The following PCSK6 variants were observed in gnomAD, a reference collection of about 807,000 sequenced individuals.
PCSK6 encodes paired basic amino acid cleaving enzyme 4.
Under a neutral mutation model 123.3 loss-of-function variants are expected in PCSK6, and 85 were observed. That is an observed-to-expected ratio of 0.69 (90% CI 0.58 to 0.83). PCSK6 has a LOEUF of 0.83. Among genes scored for constraint, PCSK6 ranks in the 40% least tolerant of loss-of-function variants. PCSK6 has a pLI of 0.00. For synonymous variants in PCSK6, 508 were observed against 516.0 expected, an observed-to-expected ratio of 0.98 and a Z score of 0.21; for missense variants, 1,191 against 1,282.3, an observed-to-expected ratio of 0.93 and a Z score of 1.09.
At position 101,384,318 on chromosome 15, in the gene PCSK6, G is replaced by A. The variant is rs759132102; in HGVS notation, c.1414+4C>T. On this transcript the variant is annotated splice_donor_region_variant and intron_variant, in intron 10 of 21. Transcript: ENST00000611716. ...AATGGTCCACCAGAACGCCACTGCC[G>A]CACCTTTATGACCCGCGCCGTTCAC... 8.1e-6 allele frequency: 13 copies of A among 1,612,946 alleles called. No homozygotes were observed. The highest frequency in any genetic ancestry group is 4.5e-5 in the East Asian group (2 of 44,866).
intron 1 of PCSK6, among the ~76,000 whole-genome samples, chr15:101,465,734 T>A (rs1238004785): frequency 6.6e-6 from 1 of 152,170 alleles, no homozygotes; most frequent in Non-Finnish European, 1.5e-5. Context: ...CTACACGTGA[T>A]GCCGCACGGT....
intron 1 of PCSK6, among the ~76,000 whole-genome samples, chr15:101,445,059 G>C (rs1379301320): frequency 2.0e-5 from 3 of 152,176 alleles, no homozygotes; most frequent in African/African-American, 7.2e-5. Flanking sequence ...GCTTGCTCCA[G>C]TGTGTTTCTG....
intron 1 of PCSK6, among the ~76,000 whole-genome samples, chr15:101,474,953 A>T (rs1048213052): frequency 6.6e-6 from 1 of 152,066 alleles, no homozygotes; most frequent in East Asian, 1.9e-4. Flanking sequence ...TTGTTTTCGG[A>T]TGGGATGCAG....
chr15:101,393,987 G>A (rs2042317442), intron 7 of PCSK6, among the ~76,000 whole-genome samples: 1 of 152,160 alleles, frequency 6.6e-6, no homozygotes, highest in South Asian at 2.1e-4. Flanking sequence ...AGGTGGAAAG[G>A]GTTACGTCCA....
intron 1 of PCSK6, among the ~76,000 whole-genome samples, chr15:101,474,379 G>A (rs912509670): frequency 3.9e-5 from 6 of 152,226 alleles, no homozygotes; most frequent in Non-Finnish European, 7.3e-5. Flanking sequence ...GTGACCCTCG[G>A]AGAGGACACG....
At position 101,318,422 on chromosome 15, in the gene PCSK6, G is replaced by C. The variant is rs758758488; in HGVS notation, c.2466C>G (p.Ser822Arg). ...CAGGAATGCAGCTGCCCCGTGCAAG[G>C]CTGTTGAAAAGAAAGAGGCAGATTT... ...EKCTVCKEGFSLARGSCIPDC... is the reference protein window; with the variant it reads ...EKCTVCKEGFRLARGSCIPDC... The change falls in exon 19 of 22, where the codon AGC becomes AGG. Residue 822 changes from serine (S) to arginine (R), a missense_variant and splice_region_variant. Ser to Arg is a moderately radical substitution (Grantham distance 110). Coordinates refer to ENST00000611716, the MANE Select transcript of PCSK6 (RefSeq NM_002570.5). 1.3e-6 allele frequency: 2 copies of C among 1,554,906 alleles called. No homozygotes were observed. Among genetic ancestry groups the C allele is most frequent in the Admixed American group, 1.9e-5 (1 of 51,420 alleles).
At chr15:101,438,603 T>C (rs560063050) in intron 2 of PCSK6, among the ~76,000 whole-genome samples, 34 of 152,318 alleles carry the variant, frequency 2.2e-4, no homozygotes, top group Non-Finnish European at 4.3e-4. Context: ...CACAGCAGCG[T>C]CAGTCCGCCT....
intron 13 of PCSK6, 79 bp downstream of exon 13, chr15:101,366,117 T>C: frequency 1.4e-6 from 2 of 1,387,536 alleles, no homozygotes; most frequent in Middle Eastern, 1.8e-4. Context: ...TATCAGAGAC[T>C]CCGTAGTTAA....
At chr15:101,486,164 A>T (rs1178467306) in intron 1 of PCSK6, among the ~76,000 whole-genome samples, 2 of 151,768 alleles carry the variant, frequency 1.3e-5, no homozygotes, top group Admixed American at 6.6e-5. Context: ...GGGTTTCTCC[A>T]TGTTGGTCTG....
chr15:101,471,881 ACTTGGC>A (rs1456550466), intron 1 of PCSK6, among the ~76,000 whole-genome samples: 3 of 152,072 alleles, frequency 2.0e-5, no homozygotes, highest in African/African-American at 7.2e-5. Context: ...GGTTTCTTTC[ACTTGGC>A]CTGTCTATGA....
At position 101,379,934 on chromosome 15, in the gene PCSK6, C is replaced by A. The variant is rs192778169; in HGVS notation, c.1532+2158G>T. 2.7e-3 allele frequency among the ~76,000 whole-genome samples: 408 copies of A among 152,268 alleles called. 1 individual carries two copies. The highest frequency in any genetic ancestry group is 9.0e-3 in the African/African-American group (375 of 41,548). On this transcript the variant is annotated intron_variant, in intron 11 of 21. Coordinates refer to ENST00000611716, the MANE Select transcript of PCSK6 (RefSeq NM_002570.5). ...GCATGGAACTCTGCTTGGTAACACC[C>A]CTCTCTCTGGAGGCCCGTATGTCCT...
At chr15:101,436,024 CA>C (rs2141131872) in intron 2 of PCSK6, among the ~76,000 whole-genome samples, 1 of 152,314 alleles carries the variant, frequency 6.6e-6, no homozygotes, top group African/African-American at 2.4e-5. Context: ...TGACAAGCGA[CA>C]GGGGAGGGTG....
chr15:101,468,838 C>T (rs548327773), intron 1 of PCSK6, among the ~76,000 whole-genome samples: 3 of 152,340 alleles, frequency 2.0e-5, no homozygotes, highest in Non-Finnish European at 2.9e-5. Flanking sequence ...CTAGTGATGA[C>T]AGCTCGTCTC....
chr15:101,313,527 G>A (rs1023779102), intron 19 of PCSK6, 22 bp from the exon 20 acceptor site: 2 of 1,580,072 alleles, frequency 1.3e-6, no homozygotes, highest in Admixed American at 3.4e-5. Flanking sequence ...AGGAAAAGAA[G>A]CAGGTATCAG....
chr15:101,448,183 T>A (rs2056942453), intron 1 of PCSK6, among the ~76,000 whole-genome samples: 1 of 152,248 alleles, frequency 6.6e-6, no homozygotes, highest in African/African-American at 2.4e-5. Context: ...ATTTGCTGAA[T>A]ACAGGGTGCT....
Position 101,489,692 on chromosome 15 carries a change from C to G in PCSK6, c.-22G>C. Reference sequence around the variant, plus strand: ...GCATAGCGGCGACAGGCTCGCGCGGCGCCCGAGCTGCGAGTGCGCCGGGGG... The same window carrying G: ...GCATAGCGGCGACAGGCTCGCGCGGGGCCCGAGCTGCGAGTGCGCCGGGGG... On this transcript the variant is annotated 5_prime_UTR_variant, in exon 1 of 22. Transcript: ENST00000611716. 2 of 965,768 alleles carry G rather than the reference C, an allele frequency of 2.1e-6. No individual in the cohort carries two copies. Among genetic ancestry groups the G allele is most frequent in the Non-Finnish European group, 2.5e-6 (2 of 815,138 alleles). The allele number at this position is 965,768 out of a possible 1,614,324, so 59.8% of individuals were successfully genotyped here. A position where few individuals can be genotyped will look rare whatever the true frequency, so the allele number is the denominator to read the frequency against.
chr15:101,305,605 G>T lies in PCSK6; in HGVS notation c.2813-250C>A. On this transcript the variant is annotated intron_variant, in intron 21 of 21. Coordinates refer to ENST00000611716, the MANE Select transcript of PCSK6 (RefSeq NM_002570.5). The surrounding 1 kb of genome is among the most constrained non-coding windows in gnomAD (Gnocchi z 4.8). ...CACCTGTAATCCAAGCTACTCGGGA[G>T]GCTAAAGCAGGAGAACCACCTGAAC... The T allele has an allele frequency of 2.5e-6, 1 of 402,312 alleles. No individual in the cohort carries two copies. Among genetic ancestry groups the T allele is most frequent in the Non-Finnish European group, 4.6e-6 (1 of 217,844 alleles). 24.9% of individuals were successfully genotyped at this position (402,312 alleles called of 1,614,324 possible). A position where few individuals can be genotyped will look rare whatever the true frequency, so the allele number is the denominator to read the frequency against.
rs57616888 is a variant in PCSK6 at position 101,371,678 on chromosome 15, T to G, written c.1533-1155A>C. On this transcript the variant is annotated intron_variant, in intron 11 of 21. Coordinates refer to ENST00000611716, the MANE Select transcript of PCSK6 (RefSeq NM_002570.5). ...TAGCTAATGCGGGGAGGAGCTGGGA[T>G]TTGGGGCCCCAGAGCCCACGCCTCT... Among the ~76,000 whole-genome samples the G allele has an allele frequency of 0.014, 2,124 of 152,258 alleles. 140 individuals carry two copies. In the East Asian group the frequency reaches 0.2, roughly 14 times the overall value.
At chr15:101,342,156 A>AAAAAAAAAAAAAT (rs2040629950) in intron 13 of PCSK6, among the ~76,000 whole-genome samples, 1 of 146,792 alleles carries the variant, frequency 6.8e-6, no homozygotes, top group Non-Finnish European at 1.5e-5. Context: ...AAAAAAAAGA[A>AAAAAAAAAAAAAT]GATTGCTTAA....
Sources: allele counts gnomAD v4.1 joint callset (sites outside exome capture counted in the v4.1 genomes callset), GRCh38; gene constraint gnomAD v4.1.1; non-coding constraint Gnocchi (gnomAD v3.1); transcripts MANE v1.5; gene names NCBI Gene and HGNC (gene_info 2026-07-23, HGNC 2026-07-21).